Variants in ZNF503 observed in about 807,000 individuals in gnomAD.
ZNF503 encodes zinc finger protein 503.
In ZNF503, 15 loss-of-function variants were observed where a neutral mutation model predicts 34.4. That is an observed-to-expected ratio of 0.44 (90% CI 0.29 to 0.67). The LOEUF is 0.67. Among genes scored for constraint, ZNF503 ranks in the 30% least tolerant of loss-of-function variants. The pLI is 0.13. For synonymous variants in ZNF503, 580 were observed against 456.8 expected (o/e 1.27, Z -3.44); for missense variants, 1,007 against 926.8 (o/e 1.09, Z -1.12).
the ZNF503 span, among the ~76,000 whole-genome samples, chr10:75,302,640 G>A: frequency 6.6e-6 from 1 of 152,192 alleles, no homozygotes; most frequent in Non-Finnish European, 1.5e-5. Context: ...GGAATCTCCT[G>A]TGGCTTAAAT....
the ZNF503 span, among the ~76,000 whole-genome samples, chr10:75,307,750 T>C: frequency 1.3e-5 from 2 of 152,308 alleles, no homozygotes; most frequent in African/African-American, 4.8e-5. Flanking sequence ...GAAGCCAATA[T>C]TCATTTACCT....
the ZNF503 span, among the ~76,000 whole-genome samples, chr10:75,320,459 C>T: frequency 6.6e-6 from 1 of 151,738 alleles, no homozygotes; most frequent in Admixed American, 6.6e-5. Context: ...CCAGCACGGG[C>T]AACAGAGTGA....
At chr10:75,352,902 G>A in the ZNF503 span, among the ~76,000 whole-genome samples, 32 of 152,298 alleles carry the variant, frequency 2.1e-4, no homozygotes, top group Admixed American at 2.0e-4. Context: ...CCAGGCCTCC[G>A]CCTCCCCCAG....
At chr10:75,347,380 C>T in the ZNF503 span, among the ~76,000 whole-genome samples, 1 of 78,114 alleles carries the variant, frequency 1.3e-5, no homozygotes, top group Non-Finnish European at 2.5e-5. Context: ...CATCTGGGCC[C>T]GCAGGGCTGA....
chr10:75,322,654 A>G, the ZNF503 span, among the ~76,000 whole-genome samples: 1 of 151,902 alleles, frequency 6.6e-6, no homozygotes, highest in Non-Finnish European at 1.5e-5. Context: ...ACATGGTGAG[A>G]CCCCATCTCT....
the ZNF503 span, chr10:75,382,350 G>T: frequency 2.2e-5 from 6 of 269,662 alleles, no homozygotes; most frequent in Non-Finnish European, 4.7e-5. Context: ...GATGGATTTG[G>T]ATTATTTTTC....
chr10:75,400,875 C>T, intron 1 of ZNF503: 2 of 663,504 alleles, frequency 3.0e-6, no homozygotes, highest in Non-Finnish European at 5.0e-6. Flanking sequence ...GCTTTCATAT[C>T]GAAAGGAGAA....
chr10:75,308,439 A>G, the ZNF503 span, among the ~76,000 whole-genome samples: 2 of 152,214 alleles, frequency 1.3e-5, no homozygotes, highest in South Asian at 4.1e-4. Context: ...TTCTTTAGCC[A>G]ATGAATTAAG....
the ZNF503 span, among the ~76,000 whole-genome samples, chr10:75,371,255 A>G: frequency 6.6e-6 from 1 of 152,162 alleles, no homozygotes; most frequent in Admixed American, 6.5e-5. Context: ...AAGGGTTAAG[A>G]TGTGGATCAA....
chr10:75,376,680 G>T, the ZNF503 span, among the ~76,000 whole-genome samples: 1 of 152,016 alleles, frequency 6.6e-6, no homozygotes, highest in Non-Finnish European at 1.5e-5. Flanking sequence ...ACCTGAGACT[G>T]GTTTAATACC....
the ZNF503 span, among the ~76,000 whole-genome samples, chr10:75,288,000 C>T: frequency 1.1e-4 from 17 of 152,134 alleles, no homozygotes; most frequent in African/African-American, 2.9e-4. Context: ...AGGAGATGCA[C>T]GGCTGAGCGA....
the ZNF503 span, among the ~76,000 whole-genome samples, chr10:75,304,591 GC>G: frequency 6.6e-6 from 1 of 152,120 alleles, no homozygotes; most frequent in Admixed American, 6.6e-5. Flanking sequence ...TCCTAAACCT[GC>G]TTATGTCAAT....
At chr10:75,353,321 C>A in the ZNF503 span, among the ~76,000 whole-genome samples, 1 of 152,202 alleles carries the variant, frequency 6.6e-6, no homozygotes, top group Non-Finnish European at 1.5e-5. Context: ...TCTCACTCAT[C>A]CCCCAGAGCA....
chr10:75,382,905 C>G, the ZNF503 span: 3 of 243,792 alleles, frequency 1.2e-5, no homozygotes, highest in African/African-American at 6.9e-5. Flanking sequence ...GCCGCTGGTC[C>G]AGCTTACTTC....
chr10:75,305,988 G>A, the ZNF503 span, among the ~76,000 whole-genome samples: 1 of 152,170 alleles, frequency 6.6e-6, no homozygotes, highest in Non-Finnish European at 1.5e-5. Context: ...TGTGAATAAT[G>A]TTGCTATTAA....
chr10:75,327,426 C>G, the ZNF503 span, among the ~76,000 whole-genome samples: 1 of 152,160 alleles, frequency 6.6e-6, no homozygotes, highest in Admixed American at 6.5e-5. Context: ...CCATGAAAAA[C>G]AGGCTTTTTC....
the ZNF503 span, among the ~76,000 whole-genome samples, chr10:75,310,436 A>G: frequency 6.6e-6 from 1 of 152,250 alleles, no homozygotes; most frequent in South Asian, 2.1e-4. Context: ...TTCCAGTCAA[A>G]GGATCAGGAA....
At chr10:75,317,046 A>G in the ZNF503 span, among the ~76,000 whole-genome samples, 1 of 152,158 alleles carries the variant, frequency 6.6e-6, no homozygotes, top group African/African-American at 2.4e-5. Context: ...GGTTCAAGCC[A>G]TCCTCCCACC....
the ZNF503 span, among the ~76,000 whole-genome samples, chr10:75,293,292 C>T: frequency 3.3e-5 from 5 of 152,120 alleles, no homozygotes; most frequent in Non-Finnish European, 1.5e-5. Context: ...TCATCTGGGC[C>T]AGGGGTCATA....
Sources: allele counts gnomAD v4.1 joint callset (sites outside exome capture counted in the v4.1 genomes callset), GRCh38; gene constraint gnomAD v4.1.1; transcripts MANE v1.5; gene names NCBI Gene and HGNC (gene_info 2026-07-23, HGNC 2026-07-21).